LRWD1: variants seen among roughly 807,000 people sequenced by gnomAD.
The protein encoded by LRWD1 is leucine-rich repeat and WD repeat-containing protein 1.
In LRWD1, 76 loss-of-function variants were observed where a neutral mutation model predicts 75.6. That is an observed-to-expected ratio of 1.01 (90% CI 0.84 to 1.22). The LOEUF is 1.22. Ranked by LOEUF, LRWD1 falls within the 50% of genes most tolerant of loss-of-function variation. The pLI, the probability that LRWD1 is intolerant of heterozygous loss-of-function variation, is 0.00. For synonymous variants in LRWD1, 487 were observed against 377.0 expected (o/e 1.29, Z -3.38); for missense variants, 917 against 862.0 (o/e 1.06, Z -0.80).
chr7:102,467,571 G>A, intron 4 of LRWD1, 92 bp downstream of exon 4: 1 of 1,561,590 alleles, frequency 6.4e-7, no homozygotes, highest in Non-Finnish European at 8.7e-7. Flanking sequence ...AGGGGCTGTG[G>A]GAGTGGGGTG....
chr7:102,468,659 G>C lies in LRWD1; in HGVS notation c.1020+5G>C, dbSNP rs750407111. On this transcript the variant is annotated splice_donor_5th_base_variant and intron_variant, in intron 8 of 14. Coordinates refer to ENST00000292616, the MANE Select transcript of LRWD1 (RefSeq NM_152892.3). ...AAGTACAAGGCACCCGGCGAGGTGA[G>C]TGCAAGGCCCTGTCCCTGCTGGGCA... 4 of 1,560,170 alleles carry C rather than the reference G, an allele frequency of 2.6e-6. No individual in the cohort carries two copies. The highest frequency in any genetic ancestry group is 3.5e-6 in the Non-Finnish European group (4 of 1,152,186).
intron 5 of LRWD1, 75 bp from the exon 6 acceptor site, chr7:102,467,987 G>A: frequency 6.4e-7 from 1 of 1,565,078 alleles, no homozygotes; most frequent in Non-Finnish European, 8.6e-7. Flanking sequence ...CCGCAGTGAG[G>A]TGGGGTCCAG....
At chr7:102,469,114 C>T in intron 9 of LRWD1, 52 bp downstream of exon 9, 1 of 1,466,694 alleles carries the variant, frequency 6.8e-7, no homozygotes, top group Non-Finnish European at 9.2e-7. Flanking sequence ...TGTCCTGCTG[C>T]CCCAGTAGCC....
chr7:102,466,103 G>C, intron 2 of LRWD1, 51 bp from the exon 3 acceptor site: 2 of 1,612,374 alleles, frequency 1.2e-6, no homozygotes, highest in East Asian at 4.5e-5. Context: ...ACTCTGTTGG[G>C]CTCAGGCTCA....
chr7:102,466,091 G>A, intron 2 of LRWD1, 40 bp downstream of exon 2: 10 of 1,612,834 alleles, frequency 6.2e-6, no homozygotes, highest in Non-Finnish European at 7.6e-6. Context: ...CCTGGGGCCA[G>A]GACTCTGTTG....
chr7:102,465,262 T>TC (rs1797923674), intron 1 of LRWD1, 102 bp downstream of exon 1: 1 of 1,175,710 alleles, frequency 8.5e-7, no homozygotes, highest in Admixed American at 4.0e-5. Context: ...GTTATCGCCC[T>TC]CTGGGTTCGG....
In LRWD1 at chr7:102,465,821, T is replaced by G. The variant is rs1797957416; in HGVS notation, c.85T>G (p.Ser29Ala). The change falls in exon 2 of 15, where the codon TCA (serine) becomes GCA (alanine). Residue 29 changes from serine to alanine, a missense_variant. Ser to Ala is a moderately conservative substitution (Grantham distance 99). Transcript: ENST00000292616. Reference sequence around the variant, plus strand: ...GCCTTCTGCCCCCAACTCCAGCCTGTCAGGATTGGAGCTGCTTTCCGAGCA... The same window carrying G: ...GCCTTCTGCCCCCAACTCCAGCCTGGCAGGATTGGAGCTGCTTTCCGAGCA... ...RLGKIRSLDL[S>A]GLELLSEHLD... The G allele has an allele frequency of 6.2e-7, 1 of 1,612,234 alleles. No homozygotes were observed. The highest frequency in any genetic ancestry group is 8.5e-7 in the Non-Finnish European group (1 of 1,179,384).
chr7:102,466,385 C>G lies in LRWD1; in HGVS notation c.432+115C>G. 5.1e-6 allele frequency: 4 copies of G among 776,728 alleles called. No homozygotes were observed. In the South Asian group the frequency reaches 6.5e-5, roughly 13 times the overall value. The allele number at this position is 776,728 out of a possible 1,614,324, so 48.1% of individuals were successfully genotyped here. ...GGTGACTGATAGAGGCTCTTTGCCC[C>G]AACAGCCCCTAGCCTGATGTGCTAC... is the stretch of plus-strand genomic sequence containing the variant. On this transcript the variant is annotated intron_variant, in intron 3 of 14. Coordinates refer to ENST00000292616, the MANE Select transcript of LRWD1 (RefSeq NM_152892.3).
intron 4 of LRWD1, 30 bp from the exon 5 acceptor site, chr7:102,467,689 C>G: frequency 1.3e-6 from 2 of 1,547,868 alleles, no homozygotes; most frequent in African/African-American, 1.4e-5. Context: ...GGGACTCTGC[C>G]CAGCTTCCTG....
intron 1 of LRWD1, 103 bp from the exon 2 acceptor site, chr7:102,465,714 G>A: frequency 1.2e-6 from 1 of 814,974 alleles, no homozygotes; most frequent in African/African-American, 1.7e-5. Context: ...GGCTACACTT[G>A]TACGAGAAAT....
rs565966526 is a variant in LRWD1 at position 102,467,310 on chromosome 7, G to A, written c.433-29G>A. ...GGGTCCGGAGGAGCTGGGGTGGGCC[G>A]GGCCTGGATCTGGTCCCTCTTGCAC... On this transcript the variant is annotated intron_variant, in intron 3 of 14. Transcript: ENST00000292616. 3,608 of 1,573,880 alleles carry A rather than the reference G, an allele frequency of 2.3e-3. 108 individuals carry two copies. The South Asian group carries it at 0.039, about 17-fold the overall frequency.
At position 102,465,866 on chromosome 7, in the gene LRWD1, T is replaced by C; in HGVS notation, c.130T>C (p.Cys44Arg). 6.2e-7 allele frequency: 1 copy of C among 1,613,490 alleles called. No individual in the cohort carries two copies. The change falls in exon 2 of 15, where the codon TGC (cysteine) becomes CGC (arginine). Residue 44 changes from cysteine (C) to arginine (R), a missense_variant. Coordinates refer to ENST00000292616, the MANE Select transcript of LRWD1 (RefSeq NM_152892.3). ...LSEHLDPKLL[C>R]RLTQLQELDL... ...CGAGCACCTGGACCCCAAACTCCTG[T>C]GCCGCCTGACGCAGCTGCAGGAGCT...
Position 102,467,706 on chromosome 7 carries a change from T to A in LRWD1, c.574-13T>A. On this transcript the variant is annotated splice_polypyrimidine_tract_variant and intron_variant, in intron 4 of 14. Coordinates refer to ENST00000292616, the MANE Select transcript of LRWD1 (RefSeq NM_152892.3). ...GACTCTGCCCAGCTTCCTGATGGCC[T>A]GGCCCCACCCAGGTGCGGATGATCT... 1.3e-6 allele frequency: 2 copies of A among 1,550,262 alleles called. No homozygotes were observed. The highest frequency in any genetic ancestry group is 1.7e-6 in the Non-Finnish European group (2 of 1,145,892).
At chr7:102,468,748 A>G (rs1056348886) in intron 8 of LRWD1, 94 bp downstream of exon 8, 3 of 1,520,178 alleles carry the variant, frequency 2.0e-6, no homozygotes, top group Non-Finnish European at 2.7e-6. Flanking sequence ...CCCCTGCCCC[A>G]TGGCCTTTTT....
At position 102,465,100 on chromosome 7, in the gene LRWD1, G is replaced by A; in HGVS notation, c.20G>A (p.Arg7Gln). ...CTCGCCATGGGCCCCCTCTCGGCGCGGCTGCTAATGCAGCGCGGGCGCCCC... is the reference window on the plus strand; with the variant it reads ...CTCGCCATGGGCCCCCTCTCGGCGCAGCTGCTAATGCAGCGCGGGCGCCCC... MGPLSA[R>Q]LLMQRGRPKS... Residue 7 changes from arginine (R) to glutamine (Q), a missense_variant, in exon 1 of 15, where the codon CGG (arginine) becomes CAG (glutamine). Physicochemically the swap from Arg to Gln is conservative, Grantham distance 43. Transcript: ENST00000292616. 1.3e-6 allele frequency: 2 copies of A among 1,504,650 alleles called. No individual in the cohort carries two copies. Among genetic ancestry groups the A allele is most frequent in the East Asian group, 2.9e-5 (1 of 35,054 alleles). 93.2% of individuals were successfully genotyped at this position (1,504,650 alleles called of 1,614,324 possible).
rs1291626873 is a variant in LRWD1, at chr7:102,465,176, C to T, written c.80+16C>T. ...GGAGTCTGGAGTAAGAGCCGGGCAGCGGGTGAGGCTGTGTCCTCGGGGCCG... is the reference window on the plus strand; with the variant it reads ...GGAGTCTGGAGTAAGAGCCGGGCAGTGGGTGAGGCTGTGTCCTCGGGGCCG... On this transcript the variant is annotated intron_variant, in intron 1 of 14. Coordinates refer to ENST00000292616, the MANE Select transcript of LRWD1 (RefSeq NM_152892.3). The T allele has an allele frequency of 3.4e-6, 5 of 1,477,778 alleles. No individual in the cohort carries two copies. Among genetic ancestry groups the T allele is most frequent in the Admixed American group, 2.7e-5 (1 of 37,574 alleles). The allele number at this position is 1,477,778 out of a possible 1,614,324, so 91.5% of individuals were successfully genotyped here.
rs550399566 is a variant in LRWD1, at chr7:102,465,862, C to A, written c.126C>A (p.Leu42=). The change falls in exon 2 of 15, where the codon CTC becomes CTA. Residue 42 remains leucine (L), a synonymous_variant. Transcript: ENST00000292616. ...ELLSEHLDPK[L]LCRLTQLQEL... ...TTTCCGAGCACCTGGACCCCAAACT[C>A]CTGTGCCGCCTGACGCAGCTGCAGG... 152 of 1,613,502 alleles carry A rather than the reference C, an allele frequency of 9.4e-5. No individual in the cohort carries two copies. In the South Asian group the frequency reaches 1.5e-3, roughly 16 times the overall value.
chr7:102,469,974 G>A, intron 11 of LRWD1, 92 bp downstream of exon 11: 2 of 1,401,590 alleles, frequency 1.4e-6, no homozygotes, highest in Non-Finnish European at 1.9e-6. Context: ...GGCACACCCG[G>A]GTAACCATAA....
At chr7:102,465,192 C>G in intron 1 of LRWD1, 32 bp downstream of exon 1, 1 of 1,435,816 alleles carries the variant, frequency 7.0e-7, no homozygotes, top group Non-Finnish European at 9.1e-7. Context: ...AGGCTGTGTC[C>G]TCGGGGCCGG....
Sources: gnomAD v4.1 joint callset for allele counts on GRCh38, gnomAD v4.1.1 for gene constraint, MANE v1.5 for transcripts, NCBI Gene and HGNC (gene_info 2026-07-23, HGNC 2026-07-21) for gene names.